Variants in ATP10B observed in about 807,000 individuals in gnomAD.
ATP10B encodes the protein ATPase phospholipid transporting 10B (putative).
In ATP10B, 122 loss-of-function variants were observed where a neutral mutation model predicts 141.2. The observed-to-expected ratio is 0.86, with a 90% confidence interval of 0.75 to 1.00. ATP10B has a LOEUF of 1.00. Ranked by LOEUF, ATP10B falls within the 50% of genes least tolerant of loss-of-function variation. The probability of loss-of-function intolerance (pLI) is 0.00; values close to 1 mark genes in which losing one functional copy is unlikely to be tolerated. For synonymous variants in ATP10B, 685 were observed against 692.0 expected (o/e 0.99, Z 0.16); for missense variants, 1,876 against 1,825.3 (o/e 1.03, Z -0.51).
chr5:160,611,203 T>C (rs1157167765), intron 18 of ATP10B, among the ~76,000 whole-genome samples: 1 of 152,130 alleles, frequency 6.6e-6, no homozygotes. Flanking sequence ...AGATTCGTCA[T>C]TGACTGAATT....
chr5:160,846,967 A>G (rs72820528), intron 1 of ATP10B, among the ~76,000 whole-genome samples: 15,530 of 152,256 alleles, frequency 0.1, 897 homozygotes, highest in Middle Eastern at 0.16. Flanking sequence ...TTGAAATAGC[A>G]ACTGGCAGAT....
rs1202224573 is a variant in ATP10B, at chr5:160,629,622, G to A, written c.1620+2507C>T. Among the ~76,000 whole-genome samples the A allele has an allele frequency of 2.6e-5, 4 of 152,316 alleles. No homozygotes were observed. The South Asian group carries it at 8.3e-4, about 32-fold the overall frequency. On this transcript the variant is annotated intron_variant, in intron 13 of 25. Transcript: ENST00000327245. ...TGTGAACATTTGTTCAAGGCAGACA[G>A]CTTCCCTTTAGAAAGATCATTTAAA...
At chr5:160,687,703 T>C in intron 5 of ATP10B, 97 bp downstream of exon 5, 3 of 1,358,358 alleles carry the variant, frequency 2.2e-6, no homozygotes, top group Non-Finnish European at 3.1e-6. Context: ...AGGTGAAGGT[T>C]GCAGTGAGCC....
At chr5:160,824,680 T>A (rs552167917) in intron 1 of ATP10B, among the ~76,000 whole-genome samples, 4 of 150,678 alleles carry the variant, frequency 2.7e-5, no homozygotes, top group Admixed American at 2.6e-4. Flanking sequence ...CACTGTAACA[T>A]AATGGTTAAG....
chr5:160,709,058 T>C (rs940990215), intron 3 of ATP10B, among the ~76,000 whole-genome samples: 2 of 152,080 alleles, frequency 1.3e-5, no homozygotes, highest in Non-Finnish European at 2.9e-5. Context: ...GTTGAGACCA[T>C]CAATAACTCA....
chr5:160,643,076 T>C (rs994129747), intron 9 of ATP10B, among the ~76,000 whole-genome samples: 4 of 152,282 alleles, frequency 2.6e-5, no homozygotes, highest in Admixed American at 2.0e-4. Flanking sequence ...GGTGTTGAAC[T>C]CCATTGCTAA....
At chr5:160,689,988 G>C (rs906232590) in intron 3 of ATP10B, among the ~76,000 whole-genome samples, 10 of 151,962 alleles carry the variant, frequency 6.6e-5, no homozygotes, top group African/African-American at 2.4e-4. Context: ...AAAACAGCAT[G>C]ATACTGGTAC....
At chr5:160,907,636 C>T in the ATP10B span, among the ~76,000 whole-genome samples, 1 of 152,192 alleles carries the variant, frequency 6.6e-6, no homozygotes, top group Non-Finnish European at 1.5e-5. Context: ...ATTGGGATTA[C>T]AGGCATGAGC....
chr5:160,779,602 G>T (rs983364181), intron 2 of ATP10B, among the ~76,000 whole-genome samples: 2 of 152,182 alleles, frequency 1.3e-5, no homozygotes, highest in African/African-American at 4.8e-5. Context: ...TCCTTCCCCA[G>T]TTGAGCCTTC....
chr5:160,736,969 G>C (rs1767165936), intron 2 of ATP10B, among the ~76,000 whole-genome samples: 1 of 152,042 alleles, frequency 6.6e-6, no homozygotes, highest in Non-Finnish European at 1.5e-5. Flanking sequence ...AGAAACTACG[G>C]GCCAATATCT....
At chr5:160,742,703 T>C (rs923109744) in intron 2 of ATP10B, among the ~76,000 whole-genome samples, 38 of 152,164 alleles carry the variant, frequency 2.5e-4, no homozygotes, top group African/African-American at 8.7e-4. Flanking sequence ...GGAGACCCTA[T>C]GTAGGTGCAC....
intron 7 of ATP10B, among the ~76,000 whole-genome samples, chr5:160,652,889 T>G (rs1056878902): frequency 9.3e-5 from 3 of 32,408 alleles, no homozygotes; most frequent in Non-Finnish European, 1.7e-4. Flanking sequence ...ATATATATAA[T>G]TATATAATAT....
intron 7 of ATP10B, among the ~76,000 whole-genome samples, chr5:160,658,141 A>G (rs561574304): frequency 3.7e-4 from 57 of 152,366 alleles, no homozygotes; most frequent in African/African-American, 1.2e-3. Context: ...CTCTGCTGAT[A>G]AACCACAAAA....
At chr5:160,621,031 T>C (rs140657449) in intron 14 of ATP10B, 81 bp from the exon 15 acceptor site, 380 of 1,488,546 alleles carry the variant, frequency 2.6e-4, no homozygotes, top group Admixed American at 5.0e-4. Context: ...AATATGAAGG[T>C]ACTTTTGCAA....
rs144553368 is a variant in ATP10B, at chr5:160,848,888, G to T, written c.-576+3053C>A. On this transcript the variant is annotated intron_variant, in intron 1 of 25. Coordinates refer to ENST00000327245, the MANE Select transcript of ATP10B (RefSeq NM_025153.3). ...CTAAGATCATTTTTGGTTCTATCAT[G>T]GTACCTGTTCTTCACTTTGAGAAAC... Among the ~76,000 whole-genome samples, 22 of 152,206 alleles carry T rather than the reference G, an allele frequency of 1.4e-4. No homozygotes were observed. The East Asian group carries it at 3.7e-3, about 25-fold the overall frequency.
chr5:160,739,442 T>G (rs948854825), intron 2 of ATP10B, among the ~76,000 whole-genome samples: 2 of 152,102 alleles, frequency 1.3e-5, no homozygotes, highest in African/African-American at 4.8e-5. Context: ...AAAGATAGAA[T>G]AAGTGAGATA....
chr5:160,799,028 G>T (rs1772165420), intron 1 of ATP10B, among the ~76,000 whole-genome samples: 1 of 152,082 alleles, frequency 6.6e-6, no homozygotes, highest in South Asian at 2.1e-4. Flanking sequence ...TGGGATTACA[G>T]GCCTAAGCCA....
chr5:160,765,866 C>A (rs1769366361), intron 2 of ATP10B, among the ~76,000 whole-genome samples: 1 of 151,736 alleles, frequency 6.6e-6, no homozygotes, highest in African/African-American at 2.4e-5. Context: ...AAGAAAAAAA[C>A]AAATAATCCC....
At chr5:160,898,506 A>G in the ATP10B span, among the ~76,000 whole-genome samples, 1 of 152,316 alleles carries the variant, frequency 6.6e-6, no homozygotes, top group Non-Finnish European at 1.5e-5. Flanking sequence ...CAGATGCTGG[A>G]AAGTATGTGG....
Sources: allele counts gnomAD v4.1 joint callset (sites outside exome capture counted in the v4.1 genomes callset), GRCh38; gene constraint gnomAD v4.1.1; transcripts MANE v1.5; gene names NCBI Gene and HGNC (gene_info 2026-07-23, HGNC 2026-07-21).